The following HHLA1 variants were observed in gnomAD, a reference collection of about 807,000 sequenced individuals.
HHLA1 encodes the protein HERV-H LTR-associating protein 1.
HHLA1 carries 72 observed loss-of-function variants against 69.9 expected under a neutral mutation model. The observed-to-expected ratio is 1.03, with a 90% CI of 0.85 to 1.25. The LOEUF (loss-of-function observed/expected upper bound fraction) is 1.25, where lower values mean the gene tolerates loss of function less well. HHLA1 is among the 50% of genes most tolerant of loss of function. The pLI, the probability that HHLA1 is intolerant of heterozygous loss-of-function variation, is 0.00. For synonymous variants in HHLA1, 252 were observed against 233.2 expected, an observed-to-expected ratio of 1.08 and a Z score of -0.73; for missense variants, 685 against 642.2, an observed-to-expected ratio of 1.07 and a Z score of -0.72.
intron 8 of HHLA1, 81 bp downstream of exon 8, chr8:132,089,435 G>A (rs925189732): frequency 2.4e-5 from 19 of 776,360 alleles, no homozygotes; most frequent in Non-Finnish European, 4.1e-5. Flanking sequence ...GGGTTGGGGT[G>A]AGGAACATAA....
At chr8:132,093,868 A>T (rs11780296) in intron 7 of HHLA1, among the ~76,000 whole-genome samples, 134,065 of 152,180 alleles carry the variant, frequency 0.88, 59,683 homozygotes, top group Middle Eastern at 0.95. Context: ...TATTTGTTGA[A>T]GAGATTCACA....
chr8:132,077,047 T>C (rs1318516338), intron 12 of HHLA1, among the ~76,000 whole-genome samples: 2 of 152,150 alleles, frequency 1.3e-5, no homozygotes, highest in African/African-American at 4.8e-5. Flanking sequence ...TGATCGTTTC[T>C]GTTAAGATTC....
At chr8:132,095,441 G>T in intron 7 of HHLA1, 78 bp downstream of exon 7, 1 of 903,028 alleles carries the variant, frequency 1.1e-6, no homozygotes, top group Non-Finnish European at 1.8e-6. Context: ...GTCTTACATT[G>T]AGGAAAAACA....
chr8:132,104,081 G>T lies in HHLA1; in HGVS notation c.139+27C>A, dbSNP rs1166112506. The T allele has an allele frequency of 9.8e-6, 15 of 1,526,704 alleles. No individual in the cohort carries two copies. In the East Asian group the frequency reaches 2.2e-4, roughly 22 times the overall value. 94.6% of individuals were successfully genotyped at this position (1,526,704 alleles called of 1,614,324 possible). A position where few individuals can be genotyped will look rare whatever the true frequency, so the allele number is the denominator to read the frequency against. On this transcript the variant is annotated intron_variant, in intron 3 of 16. Coordinates refer to ENST00000414222, the MANE Select transcript of HHLA1 (RefSeq NM_001145095.3). ...GGAATTTGCCCAAGAACAGTGAGCT[G>T]AAAAGGAGCCCTTATCACCCACTTA...
chr8:132,087,120 A>G (rs1823876932), intron 10 of HHLA1, among the ~76,000 whole-genome samples: 2 of 152,154 alleles, frequency 1.3e-5, no homozygotes, highest in Non-Finnish European at 2.9e-5. Context: ...AAAAAAGAGG[A>G]GGTAGTGTCT....
rs187048607 is a variant in HHLA1, at chr8:132,083,557, C to T, written c.677-3591G>A. Among the ~76,000 whole-genome samples the T allele has an allele frequency of 1.2e-4, 18 of 152,258 alleles. No individual in the cohort carries two copies. The East Asian group carries it at 2.3e-3, about 20-fold the overall frequency. On this transcript the variant is annotated intron_variant, in intron 10 of 16. Coordinates refer to ENST00000414222, the MANE Select transcript of HHLA1 (RefSeq NM_001145095.3). ...AGTCAGTCAGAGAGCCTTGGGCCAGCGTTCCAAGGGCTCTGGGAGTGGCTG... is the reference window on the plus strand; with the variant it reads ...AGTCAGTCAGAGAGCCTTGGGCCAGTGTTCCAAGGGCTCTGGGAGTGGCTG...
intron 1 of HHLA1, among the ~76,000 whole-genome samples, chr8:132,105,575 C>T (rs910029396): frequency 2.0e-5 from 3 of 152,190 alleles, no homozygotes; most frequent in African/African-American, 7.2e-5. Context: ...CTATAGTTCT[C>T]CATGTGGCAA....
At chr8:132,084,943 C>T (rs933390059) in intron 10 of HHLA1, among the ~76,000 whole-genome samples, 3 of 150,890 alleles carry the variant, frequency 2.0e-5, no homozygotes, top group African/African-American at 7.3e-5. Flanking sequence ...TTGAGGGGTA[C>T]TTGCCCCTGC....
At chr8:132,069,184 G>A (rs1358848293) in intron 15 of HHLA1, among the ~76,000 whole-genome samples, 3 of 152,148 alleles carry the variant, frequency 2.0e-5, no homozygotes, top group Admixed American at 6.5e-5. Context: ...CAGGCTACCC[G>A]TGACTCCATC....
At chr8:132,100,181 C>A in intron 3 of HHLA1, 47 bp from the exon 4 acceptor site, 1 of 1,385,646 alleles carries the variant, frequency 7.2e-7, no homozygotes. Flanking sequence ...TGGTCCAGTT[C>A]CTACCCCCAG....
chr8:132,078,040 C>T, intron 11 of HHLA1, 69 bp from the exon 12 acceptor site: 1 of 1,513,386 alleles, frequency 6.6e-7, no homozygotes, highest in South Asian at 1.2e-5. Context: ...CATGAAATTG[C>T]TGAGACATTG....
At chr8:132,097,623 A>T (rs1824045737) in intron 5 of HHLA1, among the ~76,000 whole-genome samples, 1 of 152,196 alleles carries the variant, frequency 6.6e-6, no homozygotes, top group Admixed American at 6.5e-5. Context: ...TCAGGGCTGG[A>T]AGGGCTAAAT....
chr8:132,072,287 C>T (rs996293534), intron 14 of HHLA1, among the ~76,000 whole-genome samples: 3 of 152,048 alleles, frequency 2.0e-5, no homozygotes, highest in African/African-American at 4.8e-5. Context: ...TATGGCTACA[C>T]CTACATTTCC....
intron 12 of HHLA1, 46 bp downstream of exon 12, chr8:132,077,680 A>T (rs1823667546): frequency 1.3e-6 from 2 of 1,532,226 alleles, no homozygotes; most frequent in African/African-American, 1.4e-5. Context: ...GACAATGCTA[A>T]GTTTAATTTA....
At position 132,063,941 on chromosome 8, in the gene HHLA1, T is replaced by C. The variant is rs1823393205; in HGVS notation, c.*54A>G. On this transcript the variant is annotated 3_prime_UTR_variant, in exon 17 of 17. Transcript: ENST00000414222. ...AGCCCACTTGGGACAAGAGCCAGGGTGGATGGCGTATCCCCTGAAGTAATT... is the reference window on the plus strand; with the variant it reads ...AGCCCACTTGGGACAAGAGCCAGGGCGGATGGCGTATCCCCTGAAGTAATT... The C allele has an allele frequency of 5.9e-6, 6 of 1,024,324 alleles. No homozygotes were observed. Among genetic ancestry groups the C allele is most frequent in the Non-Finnish European group, 6.7e-6 (5 of 751,802 alleles). The allele number at this position is 1,024,324 out of a possible 1,614,324, so 63.5% of individuals were successfully genotyped here.
At chr8:132,067,333 G>A (rs1266018144) in intron 15 of HHLA1, among the ~76,000 whole-genome samples, 3 of 152,204 alleles carry the variant, frequency 2.0e-5, no homozygotes, top group South Asian at 2.1e-4. Flanking sequence ...TTGGCAGTGT[G>A]TTCTGGGAAA....
Position 132,072,592 on chromosome 8 carries a change from T to A in HHLA1, c.1316-1099A>T, listed in dbSNP as rs376499886. Among the ~76,000 whole-genome samples the A allele has an allele frequency of 9.9e-5, 15 of 152,260 alleles. No individual in the cohort carries two copies. The East Asian group carries it at 2.9e-3, about 29-fold the overall frequency. ...TTATATTACAATATTACTAATAATCTTCCAACAAAGGTTCACTAATCACTA... is the reference window on the plus strand; with the variant it reads ...TTATATTACAATATTACTAATAATCATCCAACAAAGGTTCACTAATCACTA... On this transcript the variant is annotated intron_variant, in intron 14 of 16. Coordinates refer to ENST00000414222, the MANE Select transcript of HHLA1 (RefSeq NM_001145095.3).
chr8:132,101,578 A>G (rs1462206972), intron 3 of HHLA1, among the ~76,000 whole-genome samples: 3 of 124,142 alleles, frequency 2.4e-5, no homozygotes, highest in Admixed American at 9.3e-5. Flanking sequence ...AATCTACCCT[A>G]TTAATTTTTT....
intron 7 of HHLA1, among the ~76,000 whole-genome samples, chr8:132,090,828 G>A (rs1208584514): frequency 6.7e-6 from 1 of 148,544 alleles, no homozygotes; most frequent in Non-Finnish European, 1.5e-5. Flanking sequence ...GCGCAATCTC[G>A]GCTCACTGCA....
Sources: allele counts gnomAD v4.1 joint callset (sites outside exome capture counted in the v4.1 genomes callset), GRCh38; gene constraint gnomAD v4.1.1; transcripts MANE v1.5; gene names NCBI Gene and HGNC (gene_info 2026-07-23, HGNC 2026-07-21).